Variants in RAPGEF3 observed in about 807,000 individuals in gnomAD.
RAPGEF3 encodes 9330170P05Rik.
Under a neutral mutation model 129.8 loss-of-function variants are expected in RAPGEF3, and 103 were observed. That is an observed-to-expected ratio of 0.79 (90% CI 0.68 to 0.93). The LOEUF (loss-of-function observed/expected upper bound fraction) is 0.93, where lower values mean the gene tolerates loss of function less well. RAPGEF3 is among the 40% of genes least tolerant of loss of function. The probability of loss-of-function intolerance (pLI) is 0.00; values close to 1 mark genes in which losing one functional copy is unlikely to be tolerated. For missense variants in RAPGEF3, 1,117 were observed against 1,207.4 expected (o/e 0.93, Z 1.11); for synonymous variants, 436 against 482.6 (o/e 0.90, Z 1.26).
In RAPGEF3 at chr12:47,744,019, C is replaced by T; in HGVS notation, c.1646G>A (p.Gly549Asp). The T allele has an allele frequency of 6.2e-7, 1 of 1,612,362 alleles. No homozygotes were observed. ...CCCAACTTGGATGGCACAGCTGCTGCCAGGAAGGGGCTCGTCCTGGTTGGG... is the reference window on the plus strand; with the variant it reads ...CCCAACTTGGATGGCACAGCTGCTGTCAGGAAGGGGCTCGTCCTGGTTGGG... ...WLPNQDEPLPGSSCAIQVGDK... is the reference protein window; with the variant it reads ...WLPNQDEPLPDSSCAIQVGDK... Residue 549 changes from glycine to aspartate, a missense_variant, in exon 17 of 28, where the codon GGC becomes GAC. By Grantham distance (94) the Gly-to-Asp change is moderately conservative. Transcript: ENST00000449771.
intron 27 of RAPGEF3, 32 bp downstream of exon 27, chr12:47,737,990 T>G: frequency 1.9e-3 from 1,699 of 875,154 alleles, no homozygotes; most frequent in Non-Finnish European, 2.8e-3. Flanking sequence ...AAGCACCCCC[T>G]CCCTGCCCAC....
Position 47,741,013 on chromosome 12 carries a change from T to C in RAPGEF3, c.1951A>G (p.Thr651Ala). The change falls in exon 20 of 28, where the codon ACT becomes GCT. Residue 651 changes from threonine to alanine, a missense_variant. Transcript: ENST00000449771. ...TCCAGCCCCTCAGCAGAGCCCACAG[T>C]GGGCCCCAGCTGGTCAGGGTGTGGG... Reference protein sequence around the residue: ...LIPHPDQLGPTVGSAEGLDLV... With the variant: ...LIPHPDQLGPAVGSAEGLDLV... 2 of 1,612,762 alleles carry C rather than the reference T, an allele frequency of 1.2e-6. No individual in the cohort carries two copies. Among genetic ancestry groups the C allele is most frequent in the Non-Finnish European group, 1.7e-6 (2 of 1,179,566 alleles).
At chr12:47,746,819 C>T (rs1205583761) in intron 16 of RAPGEF3, 41 bp downstream of exon 16, 1 of 1,563,568 alleles carries the variant, frequency 6.4e-7, no homozygotes, top group African/African-American at 1.4e-5. Context: ...GGCCTGCAGT[C>T]CAGGAGGAGC....
chr12:47,737,902 A>G, intron 27 of RAPGEF3, 120 bp downstream of exon 27: 1 of 1,314,382 alleles, frequency 7.6e-7, no homozygotes, highest in Non-Finnish European at 1.1e-6. Flanking sequence ...CATTATCAAC[A>G]TCATGTATGG....
In RAPGEF3 at chr12:47,749,759, G is replaced by A. The variant is rs999546162; in HGVS notation, c.876C>T (p.Asn292=). ...GGCTCACCTTGCCATGGGTCACCAC[G>A]TTGACAGATCCCTTCCAGATAATGT... ...SWYIIWKGSV[N]VVTHGKGLVT... The change falls in exon 9 of 28, where the codon AAC becomes AAT. Residue 292 remains asparagine, a synonymous_variant. Coordinates refer to ENST00000449771, the MANE Select transcript of RAPGEF3 (RefSeq NM_001098531.4). The surrounding 1 kb of genome is among the most constrained non-coding windows in gnomAD (Gnocchi z 4.5). The A allele has an allele frequency of 9.3e-6, 15 of 1,614,100 alleles. No homozygotes were observed. The highest frequency in any genetic ancestry group is 1.3e-5 in the Non-Finnish European group (15 of 1,180,048).
chr12:47,736,395 G>A lies in RAPGEF3; in HGVS notation c.*1172C>T, dbSNP rs998695645. 6.6e-6 allele frequency: 1 copy of A among 152,254 alleles called. No homozygotes were observed. Among genetic ancestry groups the A allele is most frequent in the Non-Finnish European group, 1.5e-5 (1 of 68,080 alleles). 9.4% of individuals were successfully genotyped at this position (152,254 alleles called of 1,614,324 possible). A position where few individuals can be genotyped will look rare whatever the true frequency, so the allele number is the denominator to read the frequency against. On this transcript the variant is annotated 3_prime_UTR_variant, in exon 28 of 28. Transcript: ENST00000449771. ...GAGTTCTCTCTCTGGCCAGACAAGTGCCTCCTGCTGCCAGGACTCAGGGCA... is the reference window on the plus strand; with the variant it reads ...GAGTTCTCTCTCTGGCCAGACAAGTACCTCCTGCTGCCAGGACTCAGGGCA...
At chr12:47,738,139 C>G in intron 26 of RAPGEF3, 46 bp from the exon 27 acceptor site, 1 of 1,613,950 alleles carries the variant, frequency 6.2e-7, no homozygotes, top group Non-Finnish European at 8.5e-7. Flanking sequence ...ACCCTGGAGC[C>G]TCACAGAGGA....
chr12:47,748,966 G>A (rs1941589576), intron 10 of RAPGEF3, 35 bp from the exon 11 acceptor site: 4 of 1,525,172 alleles, frequency 2.6e-6, no homozygotes, highest in Admixed American at 1.7e-5. Context: ...CTCAACTCAT[G>A]ATGTTCCAGC....
chr12:47,747,397 C>G (rs552325844), intron 15 of RAPGEF3, 147 bp downstream of exon 15: 2 of 737,846 alleles, frequency 2.7e-6, no homozygotes, highest in East Asian at 2.7e-5. Flanking sequence ...TGAGGGTGAA[C>G]AGCAAGGGGA....
chr12:47,741,807 G>A (rs11168220), intron 18 of RAPGEF3: 156,125 of 585,466 alleles, frequency 0.27, 22,307 homozygotes, highest in African/African-American at 0.45. Flanking sequence ...AGAGGATGAG[G>A]AAAGATTCTC....
Position 47,734,679 on chromosome 12 carries a change from T to G in RAPGEF3, c.*2888A>C, listed in dbSNP as rs1193835243. The G allele has an allele frequency of 6.6e-6, 1 of 152,270 alleles. No individual in the cohort carries two copies. Among genetic ancestry groups the G allele is most frequent in the Non-Finnish European group, 1.5e-5 (1 of 68,042 alleles). The allele number at this position is 152,270 out of a possible 1,614,324, so 9.4% of individuals were successfully genotyped here. A position where few individuals can be genotyped will look rare whatever the true frequency, so the allele number is the denominator to read the frequency against. ...GAAGATGAAAACACCATTCAAGTCTTAACCTATTATTATCATGGTAAATCT... is the reference window on the plus strand; with the variant it reads ...GAAGATGAAAACACCATTCAAGTCTGAACCTATTATTATCATGGTAAATCT... On this transcript the variant is annotated 3_prime_UTR_variant, in exon 28 of 28. Transcript: ENST00000449771.
In RAPGEF3 at chr12:47,757,633, A is replaced by G. The variant is rs186079391; in HGVS notation, c.219+233T>C. 1.2e-3 allele frequency among the ~76,000 whole-genome samples: 176 copies of G among 152,106 alleles called. 1 individual carries two copies. Among genetic ancestry groups the G allele is most frequent in the African/African-American group, 3.5e-3 (147 of 41,474 alleles). ...AACAAATCCCTTTCCCCTTCCCCCC[A>G]TGCCCAAACAGAGACATTTGGGCAG... On this transcript the variant is annotated intron_variant, in intron 2 of 27. Coordinates refer to ENST00000449771, the MANE Select transcript of RAPGEF3 (RefSeq NM_001098531.4).
Position 47,749,369 on chromosome 12 carries a change from C to T in RAPGEF3, c.1041+21G>A, listed in dbSNP as rs1404701932. 6 of 1,610,364 alleles carry T rather than the reference C, an allele frequency of 3.7e-6. 1 individual carries two copies. The South Asian group carries it at 4.4e-5, about 12-fold the overall frequency. ...TCTCTGGACGAATGGCCCCTGCCCT[C>T]CCCAACCCCAGCAGCAGCACCTTGA... On this transcript the variant is annotated intron_variant, in intron 10 of 27. Coordinates refer to ENST00000449771, the MANE Select transcript of RAPGEF3 (RefSeq NM_001098531.4). The surrounding 1 kb of genome is among the most constrained non-coding windows in gnomAD (Gnocchi z 4.5).
Position 47,754,576 on chromosome 12 carries a change from G to A in RAPGEF3, c.220-2607C>T, listed in dbSNP as rs1941944550. On this transcript the variant is annotated intron_variant, in intron 2 of 27. Coordinates refer to ENST00000449771, the MANE Select transcript of RAPGEF3 (RefSeq NM_001098531.4). ...TCGGTTTCCTCATCTGTAAACTGGG[G>A]TTGATGATATGAATAGTACCTATCA... Among the ~76,000 whole-genome samples, 3 of 152,194 alleles carry A rather than the reference G, an allele frequency of 2.0e-5. No homozygotes were observed. The South Asian group carries it at 6.2e-4, about 32-fold the overall frequency.
chr12:47,743,995 C>A lies in RAPGEF3; in HGVS notation c.1670G>T (p.Gly557Val). The A allele has an allele frequency of 6.2e-7, 1 of 1,607,048 alleles. No individual in the cohort carries two copies. The highest frequency in any genetic ancestry group is 1.7e-4 in the Middle Eastern group (1 of 5,866). Reference sequence around the variant, plus strand: ...CGGCACAGACCACCAACCTTTATCCCCAACTTGGATGGCACAGCTGCTGCC... The same window carrying A: ...CGGCACAGACCACCAACCTTTATCCACAACTTGGATGGCACAGCTGCTGCC... ...LPGSSCAIQVGDKVPYDICRP... is the reference protein window; with the variant it reads ...LPGSSCAIQVVDKVPYDICRP... Residue 557 changes from glycine (G) to valine (V), a missense_variant, in exon 17 of 28, where the codon GGG (glycine) becomes GTG (valine). Gly to Val is a moderately radical substitution (Grantham distance 109). This residue lies in a region of RAPGEF3 where 643 missense variants were observed against 673.4 expected (regional missense o/e 0.95). Coordinates refer to ENST00000449771, the MANE Select transcript of RAPGEF3 (RefSeq NM_001098531.4).
Position 47,749,248 on chromosome 12 carries a change from TG to T in RAPGEF3, c.1041+141del. 1 of 1,038,968 alleles carries T rather than the reference TG, an allele frequency of 9.6e-7. No homozygotes were observed. The highest frequency in any genetic ancestry group is 1.4e-6 in the Non-Finnish European group (1 of 690,176). 64.4% of individuals were successfully genotyped at this position (1,038,968 alleles called of 1,614,324 possible). Reference sequence around the variant, plus strand: ...ACCTTCTCACACACACCCAGGGCTATGGTCCCACTGCCAGCTGTCATAGCCC... The same window carrying T: ...ACCTTCTCACACACACCCAGGGCTATGTCCCACTGCCAGCTGTCATAGCCC... On this transcript the variant is annotated intron_variant, in intron 10 of 27. Transcript: ENST00000449771. The surrounding 1 kb of genome is among the most constrained non-coding windows in gnomAD (Gnocchi z 4.5).
At position 47,749,388 on chromosome 12, in the gene RAPGEF3, A is replaced by G; in HGVS notation, c.1041+2T>C. On this transcript the variant is annotated splice_donor_variant, in intron 10 of 27. Coordinates refer to ENST00000449771, the MANE Select transcript of RAPGEF3 (RefSeq NM_001098531.4). LOFTEE classifies it high-confidence loss of function. The surrounding 1 kb of genome is among the most constrained non-coding windows in gnomAD (Gnocchi z 4.5). ...TGCCCTCCCCAACCCCAGCAGCAGC[A>G]CCTTGATGATACGGTTGAAGTCCTG... 6.2e-7 allele frequency: 1 copy of G among 1,611,762 alleles called. No homozygotes were observed. The highest frequency in any genetic ancestry group is 8.5e-7 in the Non-Finnish European group (1 of 1,179,942).
intron 25 of RAPGEF3, among the ~76,000 whole-genome samples, chr12:47,738,488 C>T (rs1303821430): frequency 1.3e-5 from 2 of 152,148 alleles, no homozygotes; most frequent in Non-Finnish European, 2.9e-5. Context: ...GAAGGGCTCT[C>T]GTTGAATGGT....
rs984863013 is a variant in RAPGEF3, at chr12:47,758,753, G to T, written c.-197C>A. 62 of 1,266,696 alleles carry T rather than the reference G, an allele frequency of 4.9e-5. No homozygotes were observed. The highest frequency in any genetic ancestry group is 3.0e-4 in the Middle Eastern group (1 of 3,368). 78.5% of individuals were successfully genotyped at this position (1,266,696 alleles called of 1,614,324 possible). ...GGCTCGGTGGAGAGGCTCCTCTTGG[G>T]TGAGTAGAGGGGTGGGGGCGTGGTG... On this transcript the variant is annotated 5_prime_UTR_variant, in exon 1 of 28. Transcript: ENST00000449771.
Sources: gnomAD v4.1 joint callset for allele counts (sites outside exome capture counted in the v4.1 genomes callset) on GRCh38, gnomAD v4.1.1 for gene constraint, gnomAD v4.1.1 regional missense constraint, Gnocchi (gnomAD v3.1) non-coding constraint, MANE v1.5 for transcripts, NCBI Gene and HGNC (gene_info 2026-07-23, HGNC 2026-07-21) for gene names.